Variants in GXYLT2 observed in about 807,000 individuals in gnomAD.
The protein encoded by GXYLT2 is glycosyltransferase 8 domain containing 4.
In GXYLT2, 53 loss-of-function variants were observed where a neutral mutation model predicts 45.8. The observed-to-expected ratio is 1.16, with a 90% CI of 0.93 to 1.46. The LOEUF is 1.46. Ranked by LOEUF, GXYLT2 falls within the 40% of genes most tolerant of loss-of-function variation. GXYLT2 has a pLI of 0.00. For missense variants in GXYLT2, 551 were observed against 544.4 expected (o/e 1.01, Z -0.12); for synonymous variants, 219 against 214.2 (o/e 1.02, Z -0.19).
chr3:72,915,719 C>G (rs1709729314), intron 2 of GXYLT2, among the ~76,000 whole-genome samples: 3 of 152,028 alleles, frequency 2.0e-5, no homozygotes. Context: ...GCCTGTAATC[C>G]TAGCTATTCA....
At chr3:72,958,328 CAA>C (rs938270847) in intron 5 of GXYLT2, among the ~76,000 whole-genome samples, 1 of 151,104 alleles carries the variant, frequency 6.6e-6, no homozygotes, top group East Asian at 1.9e-4. Context: ...GATCTTTGGG[CAA>C]AAAAAGCAAT....
intron 3 of GXYLT2, among the ~76,000 whole-genome samples, chr3:72,946,094 T>C (rs914850976): frequency 6.6e-6 from 1 of 151,804 alleles, no homozygotes; most frequent in African/African-American, 2.4e-5. Flanking sequence ...CCGGGCAACA[T>C]AGCGAGACCT....
chr3:72,903,661 C>T (rs749595237), intron 1 of GXYLT2, among the ~76,000 whole-genome samples: 1 of 152,136 alleles, frequency 6.6e-6, no homozygotes, highest in Non-Finnish European at 1.5e-5. Flanking sequence ...TGGTGTTTGG[C>T]ATCTCTTCCA....
In GXYLT2 at chr3:72,940,595, A is replaced by T. The variant is rs77250284; in HGVS notation, c.601-14503A>T. Among the ~76,000 whole-genome samples the T allele has an allele frequency of 7.9e-3, 1,195 of 152,160 alleles. 11 individuals are homozygous for T. The highest frequency in any genetic ancestry group is 0.012 in the Non-Finnish European group (802 of 68,000). ...GACAGGTAAAGAGCAACTTGAACTT[A>T]CTCTGTTGATTGCTGAATTGTTTGT... is the stretch of plus-strand genomic sequence containing the variant. On this transcript the variant is annotated intron_variant, in intron 3 of 6. Coordinates refer to ENST00000389617, the MANE Select transcript of GXYLT2 (RefSeq NM_001080393.2).
At chr3:72,949,502 CTTTTTTTTTTTTTTTTT>C (rs56323434) in intron 3 of GXYLT2, among the ~76,000 whole-genome samples, 2 of 72,610 alleles carry the variant, frequency 2.8e-5, no homozygotes, top group South Asian at 7.5e-4. Context: ...CTTTCTTTTT[CTTTTTTTTTTTTTTTTT>C]TTTTTTTTTT....
At chr3:72,928,913 G>C in intron 3 of GXYLT2, 1 of 696,298 alleles carries the variant, frequency 1.4e-6, no homozygotes, top group Non-Finnish European at 2.6e-6. Flanking sequence ...CCCGGCGTTC[G>C]TCCCCCATCC....
intron 2 of GXYLT2, among the ~76,000 whole-genome samples, chr3:72,910,789 T>A (rs1709602295): frequency 6.6e-6 from 1 of 152,188 alleles, no homozygotes; most frequent in South Asian, 2.1e-4. Context: ...TCCATGCATG[T>A]TTAACTGGCT....
At chr3:72,896,745 A>C (rs1379964812) in intron 1 of GXYLT2, among the ~76,000 whole-genome samples, 1 of 152,056 alleles carries the variant, frequency 6.6e-6, no homozygotes, top group East Asian at 1.9e-4. Context: ...GCTACTCTGG[A>C]GGCTGAGGCA....
At chr3:72,889,887 T>G (rs894905279) in intron 1 of GXYLT2, among the ~76,000 whole-genome samples, 1 of 149,222 alleles carries the variant, frequency 6.7e-6, no homozygotes, top group African/African-American at 2.5e-5. Context: ...CACCGCTGTT[T>G]TTCTTTTGGT....
intron 2 of GXYLT2, among the ~76,000 whole-genome samples, chr3:72,916,209 T>C (rs71300550): frequency 0.094 from 14,133 of 150,298 alleles, 686 homozygotes; most frequent in South Asian, 0.13. Flanking sequence ...CGTTCACTGA[T>C]GTGAGTTGAG....
intron 1 of GXYLT2, among the ~76,000 whole-genome samples, chr3:72,899,673 C>T (rs1421163312): frequency 1.3e-5 from 2 of 152,134 alleles, no homozygotes; most frequent in African/African-American, 4.8e-5. Context: ...TTATCCATCG[C>T]CGGACTCTTC....
At chr3:72,968,880 AC>A (rs776521579) in intron 6 of GXYLT2, among the ~76,000 whole-genome samples, 1 of 151,700 alleles carries the variant, frequency 6.6e-6, no homozygotes. Flanking sequence ...ACATGGTGAA[AC>A]CCCATCTCTA....
chr3:72,943,005 C>T lies in GXYLT2; in HGVS notation c.601-12093C>T, dbSNP rs372708856. 3.3e-5 allele frequency among the ~76,000 whole-genome samples: 5 copies of T among 152,170 alleles called. No homozygotes were observed. The South Asian group carries it at 1.0e-3, about 32-fold the overall frequency. Reference sequence around the variant, plus strand: ...AAGCTGAGTGAAGAATATATGGGAACTCTCTGAACTTTTTACACCTCTTCT... The same window carrying T: ...AAGCTGAGTGAAGAATATATGGGAATTCTCTGAACTTTTTACACCTCTTCT... On this transcript the variant is annotated intron_variant, in intron 3 of 6. Coordinates refer to ENST00000389617, the MANE Select transcript of GXYLT2 (RefSeq NM_001080393.2).
At chr3:72,962,363 T>C (rs1238403642) in intron 5 of GXYLT2, among the ~76,000 whole-genome samples, 2 of 152,180 alleles carry the variant, frequency 1.3e-5, no homozygotes, top group Non-Finnish European at 2.9e-5. Context: ...TCTTTCACAG[T>C]GCAAGGCTCA....
At chr3:72,954,022 T>C (rs897234545) in intron 3 of GXYLT2, among the ~76,000 whole-genome samples, 1 of 152,130 alleles carries the variant, frequency 6.6e-6, no homozygotes, top group African/African-American at 2.4e-5. Context: ...GTCCAGGAGA[T>C]TGAGAGTGCA....
intron 3 of GXYLT2, among the ~76,000 whole-genome samples, chr3:72,949,723 C>G (rs963487351): frequency 6.6e-6 from 1 of 151,700 alleles, no homozygotes; most frequent in African/African-American, 2.4e-5. Flanking sequence ...CCACGTTGGC[C>G]AGGATGGTCT....
chr3:72,961,882 G>A (rs369162175), intron 5 of GXYLT2, among the ~76,000 whole-genome samples: 65 of 152,272 alleles, frequency 4.3e-4, no homozygotes, highest in African/African-American at 1.4e-3. Context: ...AAGTATAAGT[G>A]ATAAGGCAGG....
intron 3 of GXYLT2, chr3:72,929,723 T>C: frequency 1.7e-6 from 1 of 583,320 alleles, no homozygotes; most frequent in South Asian, 2.0e-5. Flanking sequence ...AAGAAAATAT[T>C]CACTTAATGC....
intron 3 of GXYLT2, among the ~76,000 whole-genome samples, chr3:72,935,634 C>T (rs1031202400): frequency 1.3e-5 from 2 of 152,132 alleles, no homozygotes; most frequent in Non-Finnish European, 2.9e-5. Flanking sequence ...TCACATTCCC[C>T]AAACCAGAAA....
Sources: allele counts gnomAD v4.1 joint callset (sites outside exome capture counted in the v4.1 genomes callset), GRCh38; gene constraint gnomAD v4.1.1; transcripts MANE v1.5; gene names NCBI Gene and HGNC (gene_info 2026-07-23, HGNC 2026-07-21).